CIDEA: variants seen among roughly 807,000 people sequenced by gnomAD.
CIDEA encodes the protein lipid transferase CIDEA.
In CIDEA, 10 loss-of-function variants were observed where a neutral mutation model predicts 18.2. The ratio of observed to expected loss-of-function variants is 0.55; its 90% CI spans 0.34 to 0.93. The LOEUF (loss-of-function observed/expected upper bound fraction) is 0.93, where lower values mean the gene tolerates loss of function less well. Among genes scored for constraint, CIDEA ranks in the 40% least tolerant of loss-of-function variants. The pLI is 0.02. For missense variants in CIDEA, 309 were observed against 293.1 expected (o/e 1.05, Z -0.40); for synonymous variants, 128 against 124.8 (o/e 1.03, Z -0.17).
At chr18:12,275,468 G>C (rs1436856319) in intron 4 of CIDEA, among the ~76,000 whole-genome samples, 1 of 152,246 alleles carries the variant, frequency 6.6e-6, no homozygotes, top group Non-Finnish European at 1.5e-5. Flanking sequence ...GATCCTTAAA[G>C]AACTAACCTC....
intron 1 of CIDEA, among the ~76,000 whole-genome samples, chr18:12,255,154 A>G (rs1029742633): frequency 1.3e-5 from 2 of 152,220 alleles, no homozygotes; most frequent in East Asian, 3.9e-4. Context: ...ACCCAAGCCA[A>G]TTCTTGGTAA....
At chr18:12,270,894 C>CCTTT (rs1555662488) in intron 3 of CIDEA, among the ~76,000 whole-genome samples, 14 of 60,000 alleles carry the variant, frequency 2.3e-4, no homozygotes, top group African/African-American at 8.8e-4. Context: ...TTTTTCTTTT[C>CCTTT]TTTTTTTTTT....
Position 12,262,902 on chromosome 18 carries a change from T to C in CIDEA, c.116T>C (p.Val39Ala). Residue 39 changes from valine to alanine, a missense_variant, in exon 2 of 5, where the codon GTC becomes GCC. Coordinates refer to ENST00000320477, the MANE Select transcript of CIDEA (RefSeq NM_001279.4). ...ATGCATCCAGCTCGCCCTTTCCGGG[T>C]CTCCAACCATGACAGGAGCAGCCGG... is the stretch of plus-strand genomic sequence containing the variant. ...PLMHPARPFR[V>A]SNHDRSSRRG... 1 of 1,614,072 alleles carries C rather than the reference T, an allele frequency of 6.2e-7. No individual in the cohort carries two copies. The highest frequency in any genetic ancestry group is 1.3e-5 in the African/African-American group (1 of 74,990).
In CIDEA at chr18:12,277,236, G is replaced by C; in HGVS notation, c.626G>C (p.Arg209Pro). Residue 209 changes from arginine to proline, a missense_variant, in exon 5 of 5, where the codon CGG becomes CCG. Arg to Pro is a moderately radical substitution (Grantham distance 103). Coordinates refer to ENST00000320477, the MANE Select transcript of CIDEA (RefSeq NM_001279.4). The stretch of plus-strand genomic sequence containing the variant: ...GACAAGGAAGAGCGGCCATCCCTCC[G>C]GTCACAAGCCAAGGGCAGGTTCACG... ...LDDKEERPSL[R>P]SQAKGRFTCG The C allele has an allele frequency of 6.2e-7, 1 of 1,614,076 alleles. No homozygotes were observed. The highest frequency in any genetic ancestry group is 8.5e-7 in the Non-Finnish European group (1 of 1,180,014).
chr18:12,254,705 G>T (rs934643777), intron 1 of CIDEA: 5 of 1,495,890 alleles, frequency 3.3e-6, no homozygotes, highest in Non-Finnish European at 4.5e-6. Context: ...GTGCGCGGGC[G>T]TCTGCAAACC....
Position 12,277,395 on chromosome 18 carries a change from G to A in CIDEA, c.*125G>A, listed in dbSNP as rs1237075212. 9.2e-7 allele frequency: 1 copy of A among 1,090,270 alleles called. No homozygotes were observed. The highest frequency in any genetic ancestry group is 1.3e-6 in the Non-Finnish European group (1 of 762,288). The allele number at this position is 1,090,270 out of a possible 1,614,324, so 67.5% of individuals were successfully genotyped here. ...GGAGGCCGCTGGTCACGCTGCTCAG[G>A]AGTGGTGCCCAGAAAAGGAAAGGGC... On this transcript the variant is annotated 3_prime_UTR_variant, in exon 5 of 5. Coordinates refer to ENST00000320477, the MANE Select transcript of CIDEA (RefSeq NM_001279.4).
intron 1 of CIDEA, among the ~76,000 whole-genome samples, chr18:12,259,236 T>A (rs1440994252): frequency 6.6e-6 from 1 of 152,182 alleles, no homozygotes; most frequent in Non-Finnish European, 1.5e-5. Flanking sequence ...GAAAACAAAC[T>A]GTGTAGCAAC....
rs1293811724 is a variant in CIDEA, at chr18:12,262,981, C to T, written c.183+12C>T. 9 of 1,613,552 alleles carry T rather than the reference C, an allele frequency of 5.6e-6. No individual in the cohort carries two copies. The highest frequency in any genetic ancestry group is 6.8e-6 in the Non-Finnish European group (8 of 1,179,798). The stretch of plus-strand genomic sequence containing the variant: ...AGCTCATCAGCAAGGTGCCCCACAT[C>T]CCGCACCTCTCCCCCAGTCCACAGG... On this transcript the variant is annotated intron_variant, in intron 2 of 4. Transcript: ENST00000320477.
intron 3 of CIDEA, among the ~76,000 whole-genome samples, chr18:12,272,022 G>A (rs571448719): frequency 1.3e-5 from 2 of 152,208 alleles, no homozygotes; most frequent in Non-Finnish European, 2.9e-5. Context: ...GCGCGGGACG[G>A]GAGGAGAAGC....
intron 1 of CIDEA, among the ~76,000 whole-genome samples, chr18:12,259,643 C>T (rs1357591324): frequency 1.3e-5 from 2 of 152,164 alleles, no homozygotes; most frequent in Middle Eastern, 3.2e-3. Context: ...GGGCAGATCA[C>T]GAGGTCAGGA....
rs2144050604 is a variant in CIDEA at position 12,254,426 on chromosome 18, G to C, written c.38+5G>C. On this transcript the variant is annotated splice_donor_5th_base_variant and intron_variant, in intron 1 of 4. Coordinates refer to ENST00000320477, the MANE Select transcript of CIDEA (RefSeq NM_001279.4). Reference sequence around the variant, plus strand: ...CTATGCAGGAGCCCTCATCAGGCGAGTGCCCCGCGTCCCCCTGATTGCCGT... The same window carrying C: ...CTATGCAGGAGCCCTCATCAGGCGACTGCCCCGCGTCCCCCTGATTGCCGT... 1 of 1,592,002 alleles carries C rather than the reference G, an allele frequency of 6.3e-7. No homozygotes were observed. Among genetic ancestry groups the C allele is most frequent in the South Asian group, 1.1e-5 (1 of 87,106 alleles).
rs540741567 is a variant in CIDEA, at chr18:12,272,520, G to C, written c.331-1573G>C. On this transcript the variant is annotated intron_variant, in intron 3 of 4. Transcript: ENST00000320477. ...GCACCACCATGCCCGGCTAATTTTT[G>C]TATTTTTAGTAGAGACGGGGTTTCG... 9.5e-4 allele frequency among the ~76,000 whole-genome samples: 144 copies of C among 151,656 alleles called. 1 individual carries two copies. Among genetic ancestry groups the C allele is most frequent in the African/African-American group, 3.3e-3 (137 of 41,300 alleles).
rs141204404 is a variant in CIDEA at position 12,262,893 on chromosome 18, C to T, written c.107C>T (p.Pro36Leu). The T allele has an allele frequency of 9.3e-6, 15 of 1,614,222 alleles. No individual in the cohort carries two copies. Among genetic ancestry groups the T allele is most frequent in the African/African-American group, 6.7e-5 (5 of 75,044 alleles). The change falls in exon 2 of 5, where the codon CCT becomes CTT. Residue 36 changes from proline (P) to leucine (L), a missense_variant. Transcript: ENST00000320477. Reference sequence around the variant, plus strand: ...ACCCCGCTCATGCATCCAGCTCGCCCTTTCCGGGTCTCCAACCATGACAGG... The same window carrying T: ...ACCCCGCTCATGCATCCAGCTCGCCTTTTCCGGGTCTCCAACCATGACAGG... ...LFTPLMHPAR[P>L]FRVSNHDRSS...
At chr18:12,258,590 T>G (rs986196328) in intron 1 of CIDEA, among the ~76,000 whole-genome samples, 10 of 152,132 alleles carry the variant, frequency 6.6e-5, no homozygotes, top group Admixed American at 1.3e-4. Context: ...GAAGAGGGGC[T>G]CTTTCTCGCT....
In CIDEA at chr18:12,274,076, TC is replaced by T. The variant is rs750026844; in HGVS notation, c.331-11del. ...TAGGAAGGCTCCTGAAGCCTGCCCCTCCCCCCATTGTCACAGGGCAGCCAGC... is the reference window on the plus strand; with the variant it reads ...TAGGAAGGCTCCTGAAGCCTGCCCCTCCCCCATTGTCACAGGGCAGCCAGC... On this transcript the variant is annotated splice_polypyrimidine_tract_variant and intron_variant, in intron 3 of 4. Transcript: ENST00000320477. The T allele has an allele frequency of 1.9e-6, 3 of 1,613,142 alleles. No homozygotes were observed. The highest frequency in any genetic ancestry group is 1.7e-5 in the Admixed American group (1 of 59,972).
chr18:12,263,135 T>C (rs118134791), intron 2 of CIDEA, among the ~76,000 whole-genome samples, 166 bp downstream of exon 2: 1,619 of 152,328 alleles, frequency 0.011, 68 homozygotes, highest in Admixed American at 0.073. Flanking sequence ...CTGGTGGTTA[T>C]GGAGTTTCTT....
chr18:12,266,064 A>C (rs988423532), intron 3 of CIDEA, among the ~76,000 whole-genome samples: 3 of 152,112 alleles, frequency 2.0e-5, no homozygotes, highest in African/African-American at 7.2e-5. Context: ...TCTCCACCAA[A>C]AAAAATTTTT....
At position 12,277,229 on chromosome 18, in the gene CIDEA, T is replaced by C; in HGVS notation, c.619T>C (p.Ser207Pro). ...GCTGGATGACAAGGAAGAGCGGCCA[T>C]CCCTCCGGTCACAAGCCAAGGGCAG... ...RVLDDKEERP[S>P]LRSQAKGRFT... is the part of the protein sequence containing the mutation. Residue 207 changes from serine to proline, a missense_variant, in exon 5 of 5, where the codon TCC (serine) becomes CCC (proline). Physicochemically the swap from Ser to Pro is moderately conservative, Grantham distance 74. Transcript: ENST00000320477. 1 of 1,614,042 alleles carries C rather than the reference T, an allele frequency of 6.2e-7. No homozygotes were observed. The highest frequency in any genetic ancestry group is 8.5e-7 in the Non-Finnish European group (1 of 1,180,002).
intron 1 of CIDEA, among the ~76,000 whole-genome samples, chr18:12,255,917 C>A (rs1223168690): frequency 1.3e-5 from 2 of 152,114 alleles, no homozygotes; most frequent in African/African-American, 2.4e-5. Flanking sequence ...GGACACATTC[C>A]TTCCAGCTTG....
Sources: allele counts gnomAD v4.1 joint callset (sites outside exome capture counted in the v4.1 genomes callset), GRCh38; gene constraint gnomAD v4.1.1; transcripts MANE v1.5; gene names NCBI Gene and HGNC (gene_info 2026-07-23, HGNC 2026-07-21).